MBD1: variants seen among roughly 807,000 people sequenced by gnomAD.
MBD1 encodes methyl-CpG-binding domain protein 1.
A neutral mutation model predicts 82.6 loss-of-function variants in MBD1; 25 were observed. That is an observed-to-expected ratio of 0.30 (90% CI 0.22 to 0.42). The LOEUF is 0.42. Ranked by LOEUF, MBD1 falls within the 10% of genes least tolerant of loss-of-function variation. The pLI, the probability that MBD1 is intolerant of heterozygous loss-of-function variation, is 1.00. For missense variants in MBD1, 627 were observed against 819.6 expected, an observed-to-expected ratio of 0.76 and a Z score of 2.87; for synonymous variants, 301 against 303.7, an observed-to-expected ratio of 0.99 and a Z score of 0.09.
At chr18:50,270,272 C>G in intron 16 of MBD1, 1 of 959,968 alleles carries the variant, frequency 1.0e-6, no homozygotes, top group Non-Finnish European at 1.7e-6. Context: ...GCAAGGGAGG[C>G]ACACAGGATA....
Position 50,275,156 on chromosome 18 carries a change from TG to T in MBD1, c.881del (p.Pro294HisfsTer28). On this transcript the variant is annotated frameshift_variant, in exon 9 of 17. Coordinates refer to ENST00000269468, the MANE Select transcript of MBD1 (RefSeq NM_015846.4). LOFTEE classifies it high-confidence loss of function. ...PGAQPLPPPP[P>X]SQSPEPTEPH... Reference sequence around the variant, plus strand: ...GCTCTGTGGGCTCTGGGGACTGTGATGGGGGTGGTGGAGGCAGTGGCTGGGC... The same window carrying T: ...GCTCTGTGGGCTCTGGGGACTGTGATGGGGTGGTGGAGGCAGTGGCTGGGC... 6.2e-7 allele frequency: 1 copy of T among 1,613,926 alleles called. No individual in the cohort carries two copies. The highest frequency in any genetic ancestry group is 8.5e-7 in the Non-Finnish European group (1 of 1,179,988).
chr18:50,272,878 A>C lies in MBD1; in HGVS notation c.1662T>G (p.Asp554Glu). Residue 554 changes from aspartate to glutamate, a missense_variant, in exon 14 of 17, where the codon GAT (aspartate) becomes GAG (glutamate). Transcript: ENST00000269468. Reference protein sequence around the residue: ...PEEDKEENKDDSASKLAPEEE... With the variant: ...PEEDKEENKDESASKLAPEEE... ...CCTCTGGGGCCAATTTGGAGGCAGA[A>C]TCATCCTTGTTCTCCTCCTTGTCCT... The C allele has an allele frequency of 6.2e-7, 1 of 1,614,188 alleles. No homozygotes were observed. Among genetic ancestry groups the C allele is most frequent in the East Asian group, 2.2e-5 (1 of 44,876 alleles).
chr18:50,276,904 A>G lies in MBD1; in HGVS notation c.320T>C (p.Val107Ala). ...CTCATCCCTCGGGGCCTCCTTCCTG[A>G]CCTCACCACTCTGGGGTCCAACCTG... ...KRQVGPQSGE[V>A]RKEAPRDETK... Residue 107 changes from valine (V) to alanine (A), a missense_variant, in exon 4 of 17, where the codon GTC (valine) becomes GCC (alanine). Val to Ala is a moderately conservative substitution (Grantham distance 64, BLOSUM62 0). Transcript: ENST00000269468. The G allele has an allele frequency of 1.9e-6, 3 of 1,614,064 alleles. No homozygotes were observed. Among genetic ancestry groups the G allele is most frequent in the Non-Finnish European group, 2.5e-6 (3 of 1,180,002 alleles).
At chr18:50,281,196 C>T (rs1568279919) in intron 1 of MBD1, 167 bp downstream of exon 1, 1 of 1,534,560 alleles carries the variant, frequency 6.5e-7, no homozygotes, top group Admixed American at 2.0e-5. Flanking sequence ...TCCTTCCCGT[C>T]CTCAGCCTAA....
chr18:50,276,604 A>T lies in MBD1; in HGVS notation c.475+58T>A, dbSNP rs963719560. ...CACATTCAAACCCCAGCCTAGCATG[A>T]CACTGGACCTGCTCCAGCTCCTATC... On this transcript the variant is annotated intron_variant, in intron 5 of 16. Coordinates refer to ENST00000269468, the MANE Select transcript of MBD1 (RefSeq NM_015846.4). 5 of 1,582,792 alleles carry T rather than the reference A, an allele frequency of 3.2e-6. No homozygotes were observed. The African/African-American group carries it at 6.7e-5, about 21-fold the overall frequency.
chr18:50,279,768 G>T, intron 2 of MBD1, 115 bp downstream of exon 2: 1 of 1,384,082 alleles, frequency 7.2e-7, no homozygotes, highest in Non-Finnish European at 1.0e-6. Flanking sequence ...CCGCTAATAA[G>T]GATTAACTGT....
intron 16 of MBD1, chr18:50,270,411 G>C (rs1178655145): frequency 4.1e-6 from 2 of 484,356 alleles, no homozygotes. Flanking sequence ...GCCAAGACTG[G>C]CTCTTGGGCA....
rs749251270 is a variant in MBD1, at chr18:50,279,945, C to T, written c.48G>A (p.Lys16=). 6.2e-7 allele frequency: 1 copy of T among 1,613,112 alleles called. No homozygotes were observed. The highest frequency in any genetic ancestry group is 1.1e-5 in the South Asian group (1 of 91,086). ...LDCPALGPGW[K]RREVFRKSGA... ...CTGACTTGCGAAAGACTTCGCGGCG[C>T]TTCCAGCCAGGGCCCAGGGCCGGGC... Residue 16 remains lysine, a synonymous_variant, in exon 2 of 17, where the codon AAG becomes AAA. Coordinates refer to ENST00000269468, the MANE Select transcript of MBD1 (RefSeq NM_015846.4).
intron 16 of MBD1, chr18:50,271,084 C>T (rs750755383): frequency 4.8e-6 from 5 of 1,032,036 alleles, no homozygotes; most frequent in Non-Finnish European, 5.8e-6. Context: ...TTTTCAATTG[C>T]TATCTCCCTG....
chr18:50,267,872 T>C (rs2034099414), downstream of MBD1, among the ~76,000 whole-genome samples: 1 of 152,274 alleles, frequency 6.6e-6, no homozygotes, highest in African/African-American at 2.4e-5. Context: ...GGATTTTGTA[T>C]GTGGTATGTT....
chr18:50,281,495 T>A lies in MBD1; in HGVS notation c.-158A>T. On this transcript the variant is annotated 5_prime_UTR_variant, in exon 1 of 17. Transcript: ENST00000269468. ...CGGCCGCCTCCTCTGAAGCGGTAGC[T>A]GTCGCCTCCGCGGCTGTTCGTTGCT... is the stretch of plus-strand genomic sequence containing the variant. 1 of 582,642 alleles carries A rather than the reference T, an allele frequency of 1.7e-6. No individual in the cohort carries two copies. Among genetic ancestry groups the A allele is most frequent in the Non-Finnish European group, 3.0e-6 (1 of 327,900 alleles). The allele number at this position is 582,642 out of a possible 1,614,324, so 36.1% of individuals were successfully genotyped here.
chr18:50,274,466 T>G, intron 10 of MBD1, 113 bp from the exon 11 acceptor site: 1 of 1,157,970 alleles, frequency 8.6e-7, no homozygotes, highest in African/African-American at 1.5e-5. Context: ...CGGAGCTACT[T>G]GCATACTAGT....
At chr18:50,276,514 C>T (rs2037968128) in intron 5 of MBD1, 96 bp from the exon 6 acceptor site, 5 of 1,445,972 alleles carry the variant, frequency 3.5e-6, no homozygotes, top group South Asian at 2.3e-5. Flanking sequence ...TATTCAACCT[C>T]TACCTATGCC....
chr18:50,279,954 A>T lies in MBD1; in HGVS notation c.39T>A (p.Pro13=). 6.2e-7 allele frequency: 1 copy of T among 1,612,150 alleles called. No homozygotes were observed. The highest frequency in any genetic ancestry group is 8.5e-7 in the Non-Finnish European group (1 of 1,179,910). The change falls in exon 2 of 17, where the codon CCT becomes CCA. Residue 13 remains proline (P), a synonymous_variant. Transcript: ENST00000269468. ...EDWLDCPALG[P]GWKRREVFRK... ...GAAAGACTTCGCGGCGCTTCCAGCC[A>T]GGGCCCAGGGCCGGGCAGTCCAGCC...
At chr18:50,273,138 T>C in intron 13 of MBD1, 183 bp from the exon 14 acceptor site, 3 of 1,195,772 alleles carry the variant, frequency 2.5e-6, no homozygotes, top group Non-Finnish European at 3.6e-6. Context: ...GTTTTTCTGT[T>C]AGCTGGATAG....
rs75218400 is a variant in MBD1 at position 50,270,822 on chromosome 18, G to A, written c.*32+647C>T. On this transcript the variant is annotated intron_variant, in intron 16 of 16. Coordinates refer to ENST00000269468, the MANE Select transcript of MBD1 (RefSeq NM_015846.4). ...GTTTTCAAGGTCACCGAAAACTCCTGTTAGTGCATACAGGATTACAGGTTA... is the reference window on the plus strand; with the variant it reads ...GTTTTCAAGGTCACCGAAAACTCCTATTAGTGCATACAGGATTACAGGTTA... The A allele has an allele frequency of 7.3e-3, 1,268 of 174,866 alleles. 33 individuals carry two copies. The highest frequency in any genetic ancestry group is 0.07 in the East Asian group (480 of 6,898). 10.8% of individuals were successfully genotyped at this position (174,866 alleles called of 1,614,324 possible).
downstream of MBD1, among the ~76,000 whole-genome samples, chr18:50,268,301 C>G (rs1412173645): frequency 2.0e-5 from 3 of 152,238 alleles, no homozygotes; most frequent in Non-Finnish European, 2.9e-5. Flanking sequence ...CAAAGGGCCT[C>G]GTCGGAATTT....
Position 50,273,456 on chromosome 18 carries a change from C to A in MBD1, c.1462G>T (p.Gly488Cys). ...GGTAAGGCCACAACCCAACTCAGGC[C>A]AGAGCACTGGGCCTCCTGCGTGAGG... Reference protein sequence around the residue: ...EALLQEAQCSGLSWVVALPQV... With the variant: ...EALLQEAQCSCLSWVVALPQV... The change falls in exon 13 of 17, where the codon GGC becomes TGC. Residue 488 changes from glycine to cysteine, a missense_variant. Gly to Cys is a radical substitution (Grantham distance 159). Around this residue, in one of 6 missense-constraint regions of MBD1, gnomAD observed 265 missense variants for 278.4 expected, o/e 0.95. Coordinates refer to ENST00000269468, the MANE Select transcript of MBD1 (RefSeq NM_015846.4). 1 of 1,614,186 alleles carries A rather than the reference C, an allele frequency of 6.2e-7. No homozygotes were observed. The highest frequency in any genetic ancestry group is 8.5e-7 in the Non-Finnish European group (1 of 1,180,032).
At chr18:50,281,074 TCTC>T in intron 1 of MBD1, 1 of 1,294,162 alleles carries the variant, frequency 7.7e-7, no homozygotes, top group Non-Finnish European at 1.1e-6. Context: ...CCCATTTCTC[TCTC>T]AACTTCAGAT....
Sources: allele counts gnomAD v4.1 joint callset (sites outside exome capture counted in the v4.1 genomes callset), GRCh38; gene constraint gnomAD v4.1.1; regional missense constraint gnomAD v4.1.1; transcripts MANE v1.5; gene names NCBI Gene and HGNC (gene_info 2026-07-23, HGNC 2026-07-21).